Variants in CTNND2 observed in about 807,000 individuals in gnomAD.
CTNND2 encodes catenin delta 2, also known as catenin delta-2.
CTNND2 carries 22 observed loss-of-function variants against 144.4 expected under a neutral mutation model. The observed-to-expected ratio is 0.15, with a 90% CI of 0.11 to 0.22. CTNND2 has a LOEUF of 0.22. Among genes scored for constraint, CTNND2 ranks in the 10% least tolerant of loss-of-function variants. The pLI, the probability that CTNND2 is intolerant of heterozygous loss-of-function variation, is 1.00. For synonymous variants in CTNND2, 751 were observed against 695.6 expected (o/e 1.08, Z -1.25); for missense variants, 1,353 against 1,618.8 (o/e 0.84, Z 2.82).
At chr5:11,148,804 C>T (rs1757479446) in intron 12 of CTNND2, among the ~76,000 whole-genome samples, 1 of 152,192 alleles carries the variant, frequency 6.6e-6, no homozygotes, top group Non-Finnish European at 1.5e-5. Context: ...ATGATTTCCC[C>T]TCAAACAGGA....
intron 9 of CTNND2, among the ~76,000 whole-genome samples, chr5:11,252,780 T>A (rs143211848): frequency 0.013 from 1,926 of 152,314 alleles, 42 homozygotes; most frequent in Admixed American, 0.045. Context: ...TTGTTACTAT[T>A]TTTATAAGCC....
Position 11,384,404 on chromosome 5 carries a change from C to T in CTNND2, c.1177+261G>A. 1 of 509,770 alleles carries T rather than the reference C, an allele frequency of 2.0e-6. No individual in the cohort carries two copies. The highest frequency in any genetic ancestry group is 3.5e-6 in the Non-Finnish European group (1 of 289,776). The allele number at this position is 509,770 out of a possible 1,614,324, so 31.6% of individuals were successfully genotyped here. On this transcript the variant is annotated intron_variant, in intron 7 of 21. Transcript: ENST00000304623. This position sits in a 1 kb window ranked among gnomAD's most constrained non-coding sequence, Gnocchi z 5.2. ...GTTAGTCTTTAGGCTGGGGAGAGGG[C>T]AGAGAGAGAAGAGAGGAGAGAAGAG... is the stretch of plus-strand genomic sequence containing the variant.
At chr5:11,268,201 T>G (rs1745649972) in intron 9 of CTNND2, among the ~76,000 whole-genome samples, 1 of 152,212 alleles carries the variant, frequency 6.6e-6, no homozygotes. Context: ...TATTTAAAAA[T>G]GTAAACATTT....
intron 16 of CTNND2, among the ~76,000 whole-genome samples, chr5:11,078,394 A>G (rs1749175351): frequency 6.6e-6 from 1 of 152,234 alleles, no homozygotes; most frequent in African/African-American, 2.4e-5. Flanking sequence ...TTGATTTCAT[A>G]AAGCCTGTGA....
At chr5:11,150,613 CCTT>C (rs1439029146) in intron 12 of CTNND2, among the ~76,000 whole-genome samples, 159 of 138,242 alleles carry the variant, frequency 1.2e-3, no homozygotes, top group African/African-American at 4.1e-3. Flanking sequence ...TGAACTGCTG[CCTT>C]CTTTTTTTTT....
At chr5:11,875,910 T>C (rs1735533972) in intron 1 of CTNND2, among the ~76,000 whole-genome samples, 1 of 152,188 alleles carries the variant, frequency 6.6e-6, no homozygotes, top group South Asian at 2.1e-4. Context: ...AGACCAAATG[T>C]TGGTTCACCA....
At chr5:11,561,804 G>C (rs947570336) in intron 3 of CTNND2, among the ~76,000 whole-genome samples, 1 of 152,154 alleles carries the variant, frequency 6.6e-6, no homozygotes, top group Admixed American at 6.5e-5. Flanking sequence ...CACTTTGTGG[G>C]GTCAAGGCAG....
At chr5:11,646,519 A>C (rs1408105399) in intron 2 of CTNND2, among the ~76,000 whole-genome samples, 1 of 152,228 alleles carries the variant, frequency 6.6e-6, no homozygotes, top group Non-Finnish European at 1.5e-5. Flanking sequence ...CATTTCCATC[A>C]GTGGAACAAT....
intron 3 of CTNND2, among the ~76,000 whole-genome samples, chr5:11,428,250 GT>G (rs1426980176): frequency 6.6e-6 from 1 of 152,190 alleles, no homozygotes; most frequent in Non-Finnish European, 1.5e-5. Context: ...GCCTTCAGTA[GT>G]TTTTTAATTA....
intron 2 of CTNND2, among the ~76,000 whole-genome samples, chr5:11,695,310 C>T (rs1581733919): frequency 6.6e-6 from 1 of 151,996 alleles, no homozygotes; most frequent in African/African-American, 2.4e-5. Context: ...AAATTAATAC[C>T]CTATCATAAT....
At chr5:11,153,734 G>C (rs990244023) in intron 12 of CTNND2, among the ~76,000 whole-genome samples, 18 of 152,198 alleles carry the variant, frequency 1.2e-4, no homozygotes, top group African/African-American at 4.3e-4. Flanking sequence ...AAAAAATTAG[G>C]GTTGTATATT....
chr5:11,364,018 C>A (rs975265313), intron 8 of CTNND2, among the ~76,000 whole-genome samples: 4 of 152,172 alleles, frequency 2.6e-5, no homozygotes, highest in African/African-American at 9.7e-5. Flanking sequence ...GATAAGTGTT[C>A]TCTAGCAATC....
chr5:11,093,561 GA>G (rs1211114410), intron 15 of CTNND2, among the ~76,000 whole-genome samples: 1 of 152,070 alleles, frequency 6.6e-6, no homozygotes, highest in East Asian at 1.9e-4. Context: ...ATTTGTCACA[GA>G]AAAAGAGTGT....
intron 3 of CTNND2, among the ~76,000 whole-genome samples, chr5:11,420,964 G>A (rs907802135): frequency 6.6e-6 from 1 of 152,034 alleles, no homozygotes; most frequent in African/African-American, 2.4e-5. Flanking sequence ...TCATGCCTAC[G>A]TGACACAGGT....
chr5:11,519,845 ATATCTC>A (rs932438843), intron 3 of CTNND2, among the ~76,000 whole-genome samples: 1 of 151,970 alleles, frequency 6.6e-6, no homozygotes, highest in Non-Finnish European at 1.5e-5. Context: ...ACTGTTGAAA[ATATCTC>A]TATCTGGCCA....
chr5:11,181,738 ATG>A (rs1193866286), intron 11 of CTNND2, among the ~76,000 whole-genome samples: 4 of 120,278 alleles, frequency 3.3e-5, no homozygotes, highest in Non-Finnish European at 6.9e-5. Context: ...TATGTGTGGC[ATG>A]TGTGTGTGGA....
intron 8 of CTNND2, among the ~76,000 whole-genome samples, chr5:11,361,543 A>C (rs1266867633): frequency 6.6e-6 from 1 of 152,154 alleles, no homozygotes; most frequent in Non-Finnish European, 1.5e-5. Flanking sequence ...TTCTGATCCA[A>C]AAAGCAAGCA....
At chr5:11,589,442 C>T (rs538770408) in intron 2 of CTNND2, among the ~76,000 whole-genome samples, 4 of 152,194 alleles carry the variant, frequency 2.6e-5, no homozygotes, top group South Asian at 2.1e-4. Context: ...AAAGCCAGTC[C>T]GGTTTTGGTT....
At chr5:11,633,016 C>T (rs1054286462) in intron 2 of CTNND2, among the ~76,000 whole-genome samples, 1 of 152,084 alleles carries the variant, frequency 6.6e-6, no homozygotes, top group African/African-American at 2.4e-5. Flanking sequence ...CTATTTGGCA[C>T]ACTAACACGC....
Sources: allele counts gnomAD v4.1 joint callset (sites outside exome capture counted in the v4.1 genomes callset), GRCh38; gene constraint gnomAD v4.1.1; non-coding constraint Gnocchi (gnomAD v3.1); transcripts MANE v1.5; gene names NCBI Gene and HGNC (gene_info 2026-07-23, HGNC 2026-07-21).